Variants in SH3PXD2A observed in about 807,000 individuals in gnomAD.
SH3PXD2A encodes the protein SH3 and PX domain-containing protein 2A.
Under a neutral mutation model 115.2 loss-of-function variants are expected in SH3PXD2A, and 32 were observed. The ratio of observed to expected loss-of-function variants is 0.28; its 90% CI spans 0.21 to 0.37. The LOEUF (loss-of-function observed/expected upper bound fraction) is 0.37. Ranked by LOEUF, SH3PXD2A falls within the 10% of genes least tolerant of loss-of-function variation. The probability of loss-of-function intolerance (pLI) is 1.00; values close to 1 mark genes in which losing one functional copy is unlikely to be tolerated. For synonymous variants in SH3PXD2A, 610 were observed against 629.1 expected (o/e 0.97, Z 0.45); for missense variants, 1,328 against 1,498.7 (o/e 0.89, Z 1.88).
At chr10:103,801,734 C>T (rs2039149814) in intron 1 of SH3PXD2A, among the ~76,000 whole-genome samples, 1 of 152,218 alleles carries the variant, frequency 6.6e-6, no homozygotes, top group Non-Finnish European at 1.5e-5. Context: ...GACAGAGTCT[C>T]ATTCTGTTGT....
At position 103,596,688 on chromosome 10, in the gene SH3PXD2A, C is replaced by T. The variant is rs1325917424; in HGVS notation, c.*5128G>A. 5 of 75,926 alleles carry T rather than the reference C, an allele frequency of 6.6e-5. No homozygotes were observed. The highest frequency in any genetic ancestry group is 1.4e-4 in the African/African-American group (4 of 27,996). 4.7% of individuals were successfully genotyped at this position (75,926 alleles called of 1,614,324 possible). On this transcript the variant is annotated 3_prime_UTR_variant, in exon 15 of 15. Transcript: ENST00000369774. ...ACTCTCTCTCTCTCTCTCTCTCTCA[C>T]AACACATGGCCCTCAAAAAAGTGAG...
chr10:103,849,037 G>A (rs1439505252), intron 1 of SH3PXD2A, among the ~76,000 whole-genome samples: 3 of 149,676 alleles, frequency 2.0e-5, no homozygotes, highest in South Asian at 2.1e-4. Context: ...CCACGGCAGC[G>A]AGTGGTGGGG....
At chr10:103,697,916 T>G (rs551491481) in intron 5 of SH3PXD2A, among the ~76,000 whole-genome samples, 1 of 152,166 alleles carries the variant, frequency 6.6e-6, no homozygotes, top group Non-Finnish European at 1.5e-5. Context: ...CTCCCAGGAT[T>G]TATTCTTTGG....
intron 2 of SH3PXD2A, among the ~76,000 whole-genome samples, chr10:103,788,951 C>A (rs529698788): frequency 6.6e-4 from 101 of 152,316 alleles, no homozygotes; most frequent in African/African-American, 2.4e-3. Context: ...CATCAGGAAG[C>A]TGAGGTCCAG....
rs118150665 is a variant in SH3PXD2A, at chr10:103,627,668, G to A, written c.605-466C>T. Among the ~76,000 whole-genome samples, 9 of 152,264 alleles carry A rather than the reference G, an allele frequency of 5.9e-5. No homozygotes were observed. The highest frequency in any genetic ancestry group is 1.9e-4 in the East Asian group (1 of 5,180). ...TCAACGGTTGCCTTTTCCCCATCGCGGGTCAGCGGTACCTTCGCATTGGTG... is the reference window on the plus strand; with the variant it reads ...TCAACGGTTGCCTTTTCCCCATCGCAGGTCAGCGGTACCTTCGCATTGGTG... On this transcript the variant is annotated intron_variant, in intron 8 of 14. Transcript: ENST00000369774. This position sits in a 1 kb window ranked among gnomAD's most constrained non-coding sequence, Gnocchi z 4.4.
chr10:103,701,072 ATCCATCCATCATCCATTTACCAT>A (rs1422784271), intron 5 of SH3PXD2A, among the ~76,000 whole-genome samples: 40,042 of 53,112 alleles, frequency 0.75, 14,657 homozygotes, highest in African/African-American at 0.84. Flanking sequence ...TCATCCATCC[ATCCATCCATCATCCATTTACCAT>A]CTATCCATCT....
intron 8 of SH3PXD2A, among the ~76,000 whole-genome samples, chr10:103,643,253 C>T (rs898171076): frequency 3.3e-5 from 5 of 152,086 alleles, no homozygotes; most frequent in Non-Finnish European, 7.4e-5. Flanking sequence ...AGACAAGAGG[C>T]AGAGGGCACC....
At chr10:103,816,800 G>A (rs1255541523) in intron 1 of SH3PXD2A, among the ~76,000 whole-genome samples, 2 of 152,044 alleles carry the variant, frequency 1.3e-5, no homozygotes, top group Non-Finnish European at 2.9e-5. Flanking sequence ...CACTACATGA[G>A]GAATGAACAA....
At chr10:103,677,143 A>T (rs955304678) in intron 6 of SH3PXD2A, among the ~76,000 whole-genome samples, 1 of 152,116 alleles carries the variant, frequency 6.6e-6, no homozygotes, top group African/African-American at 2.4e-5. Flanking sequence ...CCGGACAACA[A>T]AATGTGGAAT....
At chr10:103,613,635 T>C (rs953319809) in intron 11 of SH3PXD2A, among the ~76,000 whole-genome samples, 4 of 152,178 alleles carry the variant, frequency 2.6e-5, no homozygotes. Context: ...AGAGAGGGAA[T>C]TGACTCCAGA....
intron 3 of SH3PXD2A, among the ~76,000 whole-genome samples, chr10:103,742,566 G>A (rs1163816669): frequency 6.6e-6 from 1 of 152,198 alleles, no homozygotes; most frequent in Admixed American, 6.5e-5. Flanking sequence ...CCTACCGCAG[G>A]GTAGTTATGG....
At chr10:103,632,648 G>C (rs2036797554) in intron 8 of SH3PXD2A, among the ~76,000 whole-genome samples, 1 of 152,168 alleles carries the variant, frequency 6.6e-6, no homozygotes, top group Non-Finnish European at 1.5e-5. Flanking sequence ...GGTAGTGGCA[G>C]GCTCTTCTCT....
intron 7 of SH3PXD2A, 75 bp from the exon 8 acceptor site, chr10:103,661,189 G>A: frequency 2.0e-6 from 3 of 1,534,592 alleles, no homozygotes; most frequent in Non-Finnish European, 2.6e-6. Flanking sequence ...CCTGTCCATC[G>A]GCCTCCTCGG....
intron 2 of SH3PXD2A, among the ~76,000 whole-genome samples, chr10:103,771,317 T>C (rs892922548): frequency 6.6e-6 from 1 of 152,224 alleles, no homozygotes; most frequent in African/African-American, 2.4e-5. Context: ...TCTGAGATTC[T>C]CACAGTGCAG....
In SH3PXD2A at chr10:103,784,016, G is replaced by C. The variant is rs578146625; in HGVS notation, c.154-16847C>G. On this transcript the variant is annotated intron_variant, in intron 2 of 14. Coordinates refer to ENST00000369774, the MANE Select transcript of SH3PXD2A (RefSeq NM_001394015.1). The surrounding 1 kb of genome is among the most constrained non-coding windows in gnomAD (Gnocchi z 4.4). ...GAAAAGTCCCCCCGCAAAGCTTGCTGTCTTCCAAGCCCACCCTGGTGCCCA... is the reference window on the plus strand; with the variant it reads ...GAAAAGTCCCCCCGCAAAGCTTGCTCTCTTCCAAGCCCACCCTGGTGCCCA... Among the ~76,000 whole-genome samples the C allele has an allele frequency of 6.6e-6, 1 of 152,242 alleles. No individual in the cohort carries two copies. The highest frequency in any genetic ancestry group is 1.5e-5 in the Non-Finnish European group (1 of 68,042).
chr10:103,668,864 G>A (rs1220129690), intron 6 of SH3PXD2A, among the ~76,000 whole-genome samples: 1 of 152,272 alleles, frequency 6.6e-6, no homozygotes, highest in South Asian at 2.1e-4. Context: ...GGACACAGCC[G>A]GCTGGGACAG....
intron 8 of SH3PXD2A, among the ~76,000 whole-genome samples, chr10:103,631,304 T>C (rs958495747): frequency 1.3e-5 from 2 of 151,878 alleles, no homozygotes; most frequent in Non-Finnish European, 2.9e-5. Flanking sequence ...TAAATAGAAA[T>C]TTACAAGTTA....
rs897282977 is a variant in SH3PXD2A, at chr10:103,627,963, G to A, written c.605-761C>T. 6.6e-6 allele frequency among the ~76,000 whole-genome samples: 1 copy of A among 152,192 alleles called. No individual in the cohort carries two copies. Among genetic ancestry groups the A allele is most frequent in the African/African-American group, 2.4e-5 (1 of 41,442 alleles). ...TTGCCCCCAAAAGTGATTTGGTACT[G>A]ATTCTCTTTTCTGCTCATGGCCCAG... is the stretch of plus-strand genomic sequence containing the variant. On this transcript the variant is annotated intron_variant, in intron 8 of 14. Transcript: ENST00000369774. This position sits in a 1 kb window ranked among gnomAD's most constrained non-coding sequence, Gnocchi z 4.4.
Position 103,603,507 on chromosome 10 carries a change from G to C in SH3PXD2A, c.1711C>G (p.Leu571Val), listed in dbSNP as rs770063317. Reference sequence around the variant, plus strand: ...CTGTCCTCCACGGGCTCCTCGCTCAGCTCAGGCTCTGAGTCAAAGCCGAAT... The same window carrying C: ...CTGTCCTCCACGGGCTCCTCGCTCACCTCAGGCTCTGAGTCAAAGCCGAAT... ...PAFGFDSEPELSEEPVEDRAS... is the reference protein window; with the variant it reads ...PAFGFDSEPEVSEEPVEDRAS... The change falls in exon 15 of 15, where the codon CTG becomes GTG. Residue 571 changes from leucine (L) to valine (V), a missense_variant. Physicochemically the swap from Leu to Val is conservative, Grantham distance 32. Transcript: ENST00000369774. 9.3e-6 allele frequency: 15 copies of C among 1,612,160 alleles called. 1 individual carries two copies. In the Admixed American group the frequency reaches 2.3e-4, roughly 25 times the overall value.
Sources: allele counts gnomAD v4.1 joint callset (sites outside exome capture counted in the v4.1 genomes callset), GRCh38; gene constraint gnomAD v4.1.1; non-coding constraint Gnocchi (gnomAD v3.1); transcripts MANE v1.5; gene names NCBI Gene and HGNC (gene_info 2026-07-23, HGNC 2026-07-21).